The following ADGRL3 variants were observed in gnomAD, a reference collection of about 807,000 sequenced individuals.
The protein encoded by ADGRL3 is calcium-independent alpha-latrotoxin receptor 3.
A neutral mutation model predicts 153.5 loss-of-function variants in ADGRL3; 62 were observed. That is an observed-to-expected ratio of 0.40 (90% CI 0.33 to 0.50). ADGRL3 has a LOEUF of 0.50. Among genes scored for constraint, ADGRL3 ranks in the 20% least tolerant of loss-of-function variants. The pLI is 0.47. For synonymous variants in ADGRL3, 710 were observed against 672.5 expected, an observed-to-expected ratio of 1.06 and a Z score of -0.86; for missense variants, 1,641 against 1,859.4, an observed-to-expected ratio of 0.88 and a Z score of 2.16.
chr4:61,894,605 C>T (rs1184469167), intron 10 of ADGRL3, among the ~76,000 whole-genome samples: 1 of 152,114 alleles, frequency 6.6e-6, no homozygotes, highest in Non-Finnish European at 1.5e-5. Context: ...AAGCACTTTG[C>T]TCTACAGAAA....
intron 2 of ADGRL3, 21 bp from the exon 3 acceptor site, chr4:61,497,100 T>G: frequency 2.3e-6 from 1 of 440,282 alleles, no homozygotes; most frequent in Non-Finnish European, 4.0e-6. Context: ...ACAATAACCC[T>G]TTTTTTTTTC....
chr4:61,264,873 T>A (rs1256168888), intron 1 of ADGRL3, among the ~76,000 whole-genome samples: 4 of 151,928 alleles, frequency 2.6e-5, no homozygotes, highest in African/African-American at 4.8e-5. Flanking sequence ...CAAAACCTTT[T>A]CAGTAAGTAC....
In ADGRL3 at chr4:62,052,427, G is replaced by T. The variant is rs11929926; in HGVS notation, c.3814+7878G>T. Among the ~76,000 whole-genome samples the T allele has an allele frequency of 1.7e-3, 255 of 151,254 alleles. 1 individual carries two copies. Among genetic ancestry groups the T allele is most frequent in the African/African-American group, 6.0e-3 (250 of 41,388 alleles). On this transcript the variant is annotated intron_variant, in intron 25 of 26. Coordinates refer to ENST00000683033, the MANE Select transcript of ADGRL3 (RefSeq NM_001387552.1). ...TCCATTTTATTTTGTTCTAAGCACAGTTTTTTTAGAGTGGATTCTTCCTAT... is the reference window on the plus strand; with the variant it reads ...TCCATTTTATTTTGTTCTAAGCACATTTTTTTTAGAGTGGATTCTTCCTAT...
intron 8 of ADGRL3, among the ~76,000 whole-genome samples, chr4:61,743,333 A>G (rs1262673991): frequency 1.3e-5 from 2 of 151,086 alleles, no homozygotes; most frequent in Non-Finnish European, 3.0e-5. Flanking sequence ...TCAAAAAAAA[A>G]AAAAAAAAAA....
intron 9 of ADGRL3, among the ~76,000 whole-genome samples, chr4:61,869,960 A>AAAAAAAAAG (rs1554051477): frequency 3.9e-5 from 4 of 101,874 alleles, no homozygotes; most frequent in Non-Finnish European, 4.0e-5. Flanking sequence ...AAAAAAAAAA[A>AAAAAAAAAG]AGAGAGAGAG....
At chr4:61,549,297 G>T (rs978175919) in intron 4 of ADGRL3, among the ~76,000 whole-genome samples, 1 of 151,956 alleles carries the variant, frequency 6.6e-6, no homozygotes, top group Non-Finnish European at 1.5e-5. Context: ...TTCCTATTTG[G>T]ATGTCTTTTA....
intron 5 of ADGRL3, among the ~76,000 whole-genome samples, chr4:61,642,978 T>C (rs2093760749): frequency 1.3e-5 from 2 of 152,234 alleles, no homozygotes; most frequent in Non-Finnish European, 2.9e-5. Context: ...CAGTGCTTTA[T>C]AGTTCTCCTT....
At chr4:61,342,195 T>TA (rs2095820446) in intron 1 of ADGRL3, among the ~76,000 whole-genome samples, 1 of 152,136 alleles carries the variant, frequency 6.6e-6, no homozygotes, top group Non-Finnish European at 1.5e-5. Flanking sequence ...CCTGGAGGCC[T>TA]ACAATCCATT....
chr4:61,295,970 C>CA (rs1388116954), intron 1 of ADGRL3, among the ~76,000 whole-genome samples: 1 of 151,944 alleles, frequency 6.6e-6, no homozygotes, highest in African/African-American at 2.4e-5. Context: ...TAAAGCAAAA[C>CA]AAAAACACAA....
At chr4:61,373,314 A>G (rs528554926) in intron 1 of ADGRL3, among the ~76,000 whole-genome samples, 1 of 152,274 alleles carries the variant, frequency 6.6e-6, no homozygotes, top group Admixed American at 6.5e-5. Context: ...TGTAATAACC[A>G]CAGCATGCTA....
chr4:61,716,023 A>G (rs2096107186), intron 6 of ADGRL3, among the ~76,000 whole-genome samples: 1 of 148,714 alleles, frequency 6.7e-6, no homozygotes, highest in African/African-American at 2.5e-5. Flanking sequence ...CATTTTCTTT[A>G]TTCCTCAATT....
intron 8 of ADGRL3, among the ~76,000 whole-genome samples, chr4:61,769,221 C>A (rs1400375546): frequency 6.6e-6 from 1 of 152,034 alleles, no homozygotes; most frequent in Non-Finnish European, 1.5e-5. Flanking sequence ...CCGTGACTGG[C>A]GCCGGAGTTT....
chr4:61,561,175 T>A (rs1426147685), intron 4 of ADGRL3, among the ~76,000 whole-genome samples: 1 of 152,176 alleles, frequency 6.6e-6, no homozygotes, highest in African/African-American at 2.4e-5. Context: ...CAATGCTTCA[T>A]GTTTAATACC....
intron 1 of ADGRL3, among the ~76,000 whole-genome samples, chr4:61,343,746 C>T (rs1438244223): frequency 6.6e-6 from 1 of 152,164 alleles, no homozygotes; most frequent in Non-Finnish European, 1.5e-5. Flanking sequence ...TCTGTGAATT[C>T]CTACAGGGGG....
chr4:61,323,031 T>C (rs769196381), intron 1 of ADGRL3, among the ~76,000 whole-genome samples: 12 of 152,194 alleles, frequency 7.9e-5, no homozygotes, highest in Non-Finnish European at 1.3e-4. Context: ...GAAATCTACG[T>C]AGAGCTTCCC....
intron 2 of ADGRL3, among the ~76,000 whole-genome samples, chr4:61,483,764 T>G (rs2098158532): frequency 6.6e-6 from 1 of 151,662 alleles, no homozygotes; most frequent in South Asian, 2.1e-4. Flanking sequence ...ATTATAAAAT[T>G]TTGAGCTCCA....
chr4:61,477,933 G>C (rs550729561), intron 2 of ADGRL3, among the ~76,000 whole-genome samples: 1 of 152,066 alleles, frequency 6.6e-6, no homozygotes, highest in South Asian at 2.1e-4. Context: ...AAAAAGGCTT[G>C]AAATAGTTTA....
intron 9 of ADGRL3, among the ~76,000 whole-genome samples, chr4:61,850,007 T>G (rs2098182504): frequency 6.6e-6 from 1 of 152,152 alleles, no homozygotes; most frequent in South Asian, 2.1e-4. Context: ...TAAGACAGTC[T>G]TCTAAGAAAT....
chr4:61,387,739 A>G (rs1461150115), intron 2 of ADGRL3, among the ~76,000 whole-genome samples: 1 of 152,086 alleles, frequency 6.6e-6, no homozygotes, highest in Non-Finnish European at 1.5e-5. Context: ...TATTGTTTAA[A>G]CACACATGCT....
Sources: gnomAD v4.1 joint callset for allele counts (sites outside exome capture counted in the v4.1 genomes callset) on GRCh38, gnomAD v4.1.1 for gene constraint, MANE v1.5 for transcripts, NCBI Gene and HGNC (gene_info 2026-07-23, HGNC 2026-07-21) for gene names.